DCAF8: variants seen among roughly 807,000 people sequenced by gnomAD.
DCAF8 encodes the protein DDB1 and CUL4 associated factor 8.
A neutral mutation model predicts 68.0 loss-of-function variants in DCAF8; 20 were observed. That is an observed-to-expected ratio of 0.29 (90% confidence interval 0.21 to 0.43). The LOEUF is 0.43. Ranked by LOEUF, DCAF8 falls within the 20% of genes least tolerant of loss-of-function variation. The probability of loss-of-function intolerance (pLI) is 1.00; values close to 1 mark genes in which losing one functional copy is unlikely to be tolerated. For synonymous variants in DCAF8, 230 were observed against 276.9 expected (o/e 0.83, Z 1.68); for missense variants, 460 against 771.0 (o/e 0.60, Z 4.78).
chr1:160,237,702 CTTTT>C (rs200288353), intron 5 of DCAF8, among the ~76,000 whole-genome samples: 2 of 150,934 alleles, frequency 1.3e-5, no homozygotes, highest in Non-Finnish European at 3.0e-5. Flanking sequence ...AATTTTTTCG[CTTTT>C]TTTTTGTTTG....
In DCAF8 at chr1:160,222,684, A is replaced by C. The variant is rs1248969551; in HGVS notation, c.1407T>G (p.Ile469Met). Residue 469 changes from isoleucine (I) to methionine (M), a missense_variant, in exon 11 of 14, where the codon ATT (isoleucine) becomes ATG (methionine). Physicochemically the swap from Ile to Met is conservative, Grantham distance 10. This residue lies in a region of DCAF8 where 30 missense variants were observed against 69.6 expected (regional missense o/e 0.43). Coordinates refer to ENST00000368074, the MANE Select transcript of DCAF8 (RefSeq NM_015726.4). The part of the protein sequence containing the change: ...IFLWEKSSCQ[I>M]IQFMEGDKGG... ...CCTTGTCCCCCTCCATGAACTGAAT[A>C]ATCTGGCAGGATGATTTCTCCCAGA... The C allele has an allele frequency of 6.2e-7, 1 of 1,614,134 alleles. No individual in the cohort carries two copies. Among genetic ancestry groups the C allele is most frequent in the Non-Finnish European group, 8.5e-7 (1 of 1,180,008 alleles).
At chr1:160,241,521 A>AT (rs1656116718) in intron 3 of DCAF8, among the ~76,000 whole-genome samples, 1 of 152,218 alleles carries the variant, frequency 6.6e-6, no homozygotes, top group Admixed American at 6.5e-5. Context: ...CTTATCTCCT[A>AT]TAACTACATA....
In DCAF8 at chr1:160,217,808, C is replaced by T. The variant is rs76358355; in HGVS notation, c.1678-100G>A. The stretch of plus-strand genomic sequence containing the variant: ...TTAGATGCTTTAGGCCAGAGATCAG[C>T]AGAATTTTTCTTAAAGGGCCAGAGA... On this transcript the variant is annotated intron_variant, in intron 13 of 13. Transcript: ENST00000368074. 797 of 872,878 alleles carry T rather than the reference C, an allele frequency of 9.1e-4. 6 individuals are homozygous for T. In the African/African-American group the frequency reaches 0.011, roughly 13 times the overall value. 54.1% of individuals were successfully genotyped at this position (872,878 alleles called of 1,614,324 possible).
In DCAF8 at chr1:160,252,673, T is replaced by C. The variant is rs192754126; in HGVS notation, c.-27+8612A>G. On this transcript the variant is annotated intron_variant, in intron 2 of 13. Coordinates refer to ENST00000368074, the MANE Select transcript of DCAF8 (RefSeq NM_015726.4). ...AGAGAAACAAGTTTAAAAGCTATTATAGTTGCCAAGATAAGAAGTAATGAG... is the reference window on the plus strand; with the variant it reads ...AGAGAAACAAGTTTAAAAGCTATTACAGTTGCCAAGATAAGAAGTAATGAG... Among the ~76,000 whole-genome samples the C allele has an allele frequency of 2.0e-5, 3 of 152,298 alleles. No individual in the cohort carries two copies. In the East Asian group the frequency reaches 5.8e-4, roughly 29 times the overall value.
Position 160,216,458 on chromosome 1 carries a change from G to A in DCAF8, c.*1134C>T, listed in dbSNP as rs1034116548. Reference sequence around the variant, plus strand: ...TGGAACCCCCTACAAGACTTAAGGAGAGGTAGGAGATCTGAGGCAGAGCTG... The same window carrying A: ...TGGAACCCCCTACAAGACTTAAGGAAAGGTAGGAGATCTGAGGCAGAGCTG... On this transcript the variant is annotated 3_prime_UTR_variant, in exon 14 of 14. Coordinates refer to ENST00000368074, the MANE Select transcript of DCAF8 (RefSeq NM_015726.4). 1 of 152,430 alleles carries A rather than the reference G, an allele frequency of 6.6e-6. No individual in the cohort carries two copies. Among genetic ancestry groups the A allele is most frequent in the African/African-American group, 2.4e-5 (1 of 41,460 alleles). The allele number at this position is 152,430 out of a possible 1,614,324, so 9.4% of individuals were successfully genotyped here.
intron 4 of DCAF8, 175 bp downstream of exon 4, chr1:160,239,522 A>G: frequency 6.6e-7 from 1 of 1,515,658 alleles, no homozygotes; most frequent in South Asian, 1.3e-5. Flanking sequence ...CAAGGAATCT[A>G]GGGTTGCCAA....
chr1:160,250,297 C>T (rs1274762367), intron 2 of DCAF8, among the ~76,000 whole-genome samples: 1 of 151,966 alleles, frequency 6.6e-6, no homozygotes, highest in East Asian at 1.9e-4. Flanking sequence ...AACCCCATCC[C>T]TATTAAAAGT....
At chr1:160,227,541 G>A (rs1200385431) in intron 7 of DCAF8, among the ~76,000 whole-genome samples, 1 of 152,138 alleles carries the variant, frequency 6.6e-6, no homozygotes, top group African/African-American at 2.4e-5. Context: ...ACAGGTATAA[G>A]CCACTACACC....
intron 2 of DCAF8, among the ~76,000 whole-genome samples, chr1:160,251,524 A>T (rs1656593334): frequency 6.6e-6 from 1 of 151,914 alleles, no homozygotes; most frequent in Non-Finnish European, 1.5e-5. Flanking sequence ...CCAGGCTGGA[A>T]TTCAGTAATG....
At position 160,217,362 on chromosome 1, in the gene DCAF8, G is replaced by A. The variant is rs558610537; in HGVS notation, c.*230C>T. On this transcript the variant is annotated 3_prime_UTR_variant, in exon 14 of 14. Coordinates refer to ENST00000368074, the MANE Select transcript of DCAF8 (RefSeq NM_015726.4). ...GCTTTGGGGAGAGGCCATTTCTGCCGAGTCCTATGCACCTCTCCATAGAGC... is the reference window on the plus strand; with the variant it reads ...GCTTTGGGGAGAGGCCATTTCTGCCAAGTCCTATGCACCTCTCCATAGAGC... 16 of 405,190 alleles carry A rather than the reference G, an allele frequency of 3.9e-5. No individual in the cohort carries two copies. Among genetic ancestry groups the A allele is most frequent in the Middle Eastern group, 6.3e-4 (1 of 1,594 alleles). 25.1% of individuals were successfully genotyped at this position (405,190 alleles called of 1,614,324 possible). A position where few individuals can be genotyped will look rare whatever the true frequency, so the allele number is the denominator to read the frequency against.
chr1:160,222,610 G>C lies in DCAF8; in HGVS notation c.1440+41C>G. 2.5e-6 allele frequency: 4 copies of C among 1,610,150 alleles called. No individual in the cohort carries two copies. In the South Asian group the frequency reaches 3.3e-5, roughly 13 times the overall value. Reference sequence around the variant, plus strand: ...CTGCTAAAACCTACCTTAATGACTGGAGAGATTAGGGAGCCAGCCAGCTCA... The same window carrying C: ...CTGCTAAAACCTACCTTAATGACTGCAGAGATTAGGGAGCCAGCCAGCTCA... On this transcript the variant is annotated intron_variant, in intron 11 of 13. Coordinates refer to ENST00000368074, the MANE Select transcript of DCAF8 (RefSeq NM_015726.4).
intron 2 of DCAF8, among the ~76,000 whole-genome samples, chr1:160,244,735 A>G (rs1344527019): frequency 6.6e-6 from 1 of 151,678 alleles, no homozygotes; most frequent in Non-Finnish European, 1.5e-5. Context: ...CTCCTGCCTC[A>G]GCCTCCCAAG....
intron 4 of DCAF8, chr1:160,238,997 T>C (rs1655993061): frequency 3.7e-6 from 2 of 536,278 alleles, no homozygotes; most frequent in South Asian, 6.0e-5. Context: ...TGGCACATGA[T>C]AAGAGCTCAG....
chr1:160,259,370 T>C (rs576589624), intron 2 of DCAF8, among the ~76,000 whole-genome samples: 30 of 152,016 alleles, frequency 2.0e-4, no homozygotes, highest in African/African-American at 6.8e-4. Flanking sequence ...CCTCCTCTAC[T>C]AAAAATACAA....
intron 11 of DCAF8, among the ~76,000 whole-genome samples, chr1:160,221,738 A>G (rs1431510499): frequency 6.6e-6 from 1 of 151,858 alleles, no homozygotes; most frequent in Non-Finnish European, 1.5e-5. Context: ...TTAGTCTTCC[A>G]AACTGTGTTT....
chr1:160,222,816 G>A (rs1183688766), intron 10 of DCAF8, 35 bp from the exon 11 acceptor site: 1 of 1,613,730 alleles, frequency 6.2e-7, no homozygotes, highest in African/African-American at 1.3e-5. Flanking sequence ...ACCACATGAG[G>A]GTTGGCATCA....
At position 160,231,374 on chromosome 1, in the gene DCAF8, TTTC is replaced by T; in HGVS notation, c.990_992del (p.Lys331del). On this transcript the variant is annotated inframe_deletion, in exon 7 of 14. Coordinates refer to ENST00000368074, the MANE Select transcript of DCAF8 (RefSeq NM_015726.4). ...TCACATAGATCGTATACAGCCCCAC[TTTC>T]TTCTCTTTCTCTTTTGTCACCACCA... 6.2e-7 allele frequency: 1 copy of T among 1,614,118 alleles called. No individual in the cohort carries two copies. The highest frequency in any genetic ancestry group is 1.1e-5 in the South Asian group (1 of 91,082).
At chr1:160,226,505 A>G (rs1319444384) in intron 7 of DCAF8, among the ~76,000 whole-genome samples, 3 of 152,226 alleles carry the variant, frequency 2.0e-5, no homozygotes, top group African/African-American at 7.2e-5. Context: ...GAGGAACAAG[A>G]CAGATCCAGT....
At chr1:160,237,886 G>C (rs761950361) in intron 5 of DCAF8, among the ~76,000 whole-genome samples, 1 of 152,190 alleles carries the variant, frequency 6.6e-6, no homozygotes, top group African/African-American at 2.4e-5. Context: ...TAAGTGCAGA[G>C]AGAAATGGTG....
Sources: gnomAD v4.1 joint callset for allele counts (sites outside exome capture counted in the v4.1 genomes callset) on GRCh38, gnomAD v4.1.1 for gene constraint, gnomAD v4.1.1 regional missense constraint, MANE v1.5 for transcripts, NCBI Gene and HGNC (gene_info 2026-07-23, HGNC 2026-07-21) for gene names.